The following ROBO2 variants were observed in gnomAD, a reference collection of about 807,000 sequenced individuals.
ROBO2 encodes the protein roundabout homolog 2.
ROBO2 carries 53 observed loss-of-function variants against 160.8 expected under a neutral mutation model. That is an observed-to-expected ratio of 0.33 (90% CI 0.26 to 0.41). The LOEUF (loss-of-function observed/expected upper bound fraction) is 0.41. Ranked by LOEUF, ROBO2 falls within the 10% of genes least tolerant of loss-of-function variation. The probability of loss-of-function intolerance (pLI) is 1.00; values close to 1 mark genes in which losing one functional copy is unlikely to be tolerated. For synonymous variants in ROBO2, 664 were observed against 611.7 expected (o/e 1.09, Z -1.26); for missense variants, 1,577 against 1,722.4 (o/e 0.92, Z 1.49).
intron 2 of ROBO2, among the ~76,000 whole-genome samples, chr3:77,002,825 A>C: frequency 6.6e-6 from 1 of 152,154 alleles, no homozygotes; most frequent in East Asian, 1.9e-4. Flanking sequence ...ATAATACAAT[A>C]ATATTTACTT....
At chr3:76,322,760 G>T (rs1051456807) in intron 2 of ROBO2, among the ~76,000 whole-genome samples, 10 of 152,100 alleles carry the variant, frequency 6.6e-5, no homozygotes, top group African/African-American at 2.2e-4. Flanking sequence ...CCAAGAAGAT[G>T]CATTCTTATA....
intron 2 of ROBO2, among the ~76,000 whole-genome samples, chr3:76,992,641 A>T (rs927534056): frequency 2.6e-5 from 4 of 151,482 alleles, no homozygotes; most frequent in Admixed American, 2.6e-4. Context: ...TAAAAATAAG[A>T]ATTTTTTTTT....
chr3:75,973,242 T>C (rs1464725599), intron 2 of ROBO2, among the ~76,000 whole-genome samples: 1 of 151,692 alleles, frequency 6.6e-6, no homozygotes, highest in Non-Finnish European at 1.5e-5. Context: ...TCTGTAACAC[T>C]AGAAATTATA....
chr3:76,684,281 C>T (rs917534592), intron 2 of ROBO2, among the ~76,000 whole-genome samples: 9 of 152,060 alleles, frequency 5.9e-5, no homozygotes, highest in Middle Eastern at 6.3e-3. Context: ...TATAGGGCCT[C>T]GCTGGGTTCT....
At chr3:77,045,244 G>A (rs2149649097) in intron 1 of ROBO2, among the ~76,000 whole-genome samples, 1 of 152,180 alleles carries the variant, frequency 6.6e-6, no homozygotes, top group East Asian at 1.9e-4. Context: ...TAGCATCTAG[G>A]GTAGCATGCT....
chr3:77,252,030 AT>A (rs530196952), intron 2 of ROBO2, among the ~76,000 whole-genome samples: 12 of 152,076 alleles, frequency 7.9e-5, no homozygotes, highest in Non-Finnish European at 1.6e-4. Context: ...TCTTTAAATT[AT>A]TTTTTCTTCC....
chr3:77,363,626 T>C (rs1370962593), intron 2 of ROBO2, among the ~76,000 whole-genome samples: 1 of 152,148 alleles, frequency 6.6e-6, no homozygotes, highest in Non-Finnish European at 1.5e-5. Flanking sequence ...AAGGATATGA[T>C]TTGCTGACAA....
At chr3:77,365,620 A>G (rs963390355) in intron 2 of ROBO2, among the ~76,000 whole-genome samples, 1 of 152,178 alleles carries the variant, frequency 6.6e-6, no homozygotes, top group East Asian at 1.9e-4. Context: ...CACTTTGTGT[A>G]CCACCAGTTA....
intron 2 of ROBO2, among the ~76,000 whole-genome samples, chr3:77,010,458 C>T (rs1242083664): frequency 6.6e-6 from 1 of 152,156 alleles, no homozygotes; most frequent in African/African-American, 2.4e-5. Flanking sequence ...TAATAAAAGC[C>T]ACCTCTTTAT....
chr3:77,522,683 T>C (rs1400575196), intron 5 of ROBO2, 92 bp from the exon 6 acceptor site: 7 of 1,332,516 alleles, frequency 5.3e-6, no homozygotes, highest in Non-Finnish European at 6.3e-6. Flanking sequence ...TTAGGTAAAA[T>C]ACAGTATAAA....
At chr3:76,563,616 T>G (rs1578174219) in intron 2 of ROBO2, among the ~76,000 whole-genome samples, 1 of 152,182 alleles carries the variant, frequency 6.6e-6, no homozygotes. Context: ...ATATTATGGA[T>G]GTTAATGGTA....
intron 2 of ROBO2, among the ~76,000 whole-genome samples, chr3:77,172,445 CATT>C (rs1418828627): frequency 2.0e-5 from 3 of 152,030 alleles, no homozygotes; most frequent in Non-Finnish European, 4.4e-5. Flanking sequence ...ATTTGGCAAA[CATT>C]ATAAAGTGCA....
chr3:76,136,306 C>T (rs1035151893), intron 2 of ROBO2, among the ~76,000 whole-genome samples: 1 of 151,838 alleles, frequency 6.6e-6, no homozygotes, highest in African/African-American at 2.4e-5. Flanking sequence ...TCTGATAAAG[C>T]TCCCTCCTGT....
intron 2 of ROBO2, among the ~76,000 whole-genome samples, chr3:76,993,172 G>A (rs547967243): frequency 3.3e-5 from 5 of 152,070 alleles, no homozygotes; most frequent in South Asian, 2.1e-4. Flanking sequence ...AAAAATAAAA[G>A]CATCCTTGAT....
intron 2 of ROBO2, among the ~76,000 whole-genome samples, chr3:75,974,629 A>C (rs935219303): frequency 6.6e-6 from 1 of 151,602 alleles, no homozygotes; most frequent in African/African-American, 2.4e-5. Context: ...TTGGCTAAAC[A>C]GTGTTTCAGA....
chr3:76,094,233 C>G (rs1332922502), intron 2 of ROBO2, among the ~76,000 whole-genome samples: 2 of 152,138 alleles, frequency 1.3e-5, no homozygotes, highest in African/African-American at 2.4e-5. Flanking sequence ...ATAATCAATT[C>G]TGTGTGCCTG....
At chr3:77,263,724 G>A (rs1394204586) in intron 2 of ROBO2, among the ~76,000 whole-genome samples, 3 of 152,174 alleles carry the variant, frequency 2.0e-5, no homozygotes, top group African/African-American at 7.2e-5. Context: ...GAGTGAATGT[G>A]TCTTTATAAT....
At chr3:76,929,976 C>T (rs1056925906) in intron 2 of ROBO2, among the ~76,000 whole-genome samples, 2 of 152,174 alleles carry the variant, frequency 1.3e-5, no homozygotes, top group Admixed American at 6.5e-5. Flanking sequence ...GTTCTTTATA[C>T]ATGTCACACT....
chr3:76,124,351 T>A (rs1576955424), intron 2 of ROBO2, among the ~76,000 whole-genome samples: 1 of 152,256 alleles, frequency 6.6e-6, no homozygotes, highest in Non-Finnish European at 1.5e-5. Context: ...TATCTCATTA[T>A]GACTCTATCT....
Sources: gnomAD v4.1 joint callset for allele counts (sites outside exome capture counted in the v4.1 genomes callset) on GRCh38, gnomAD v4.1.1 for gene constraint, MANE v1.5 for transcripts, NCBI Gene and HGNC (gene_info 2026-07-23, HGNC 2026-07-21) for gene names.